GRIN3A: variants seen among roughly 807,000 people sequenced by gnomAD.
GRIN3A encodes the protein glutamate ionotropic receptor NMDA type subunit 3A.
GRIN3A carries 47 observed loss-of-function variants against 92.4 expected under a neutral mutation model. The observed-to-expected ratio is 0.51, with a 90% CI of 0.40 to 0.65. The LOEUF (loss-of-function observed/expected upper bound fraction) is 0.65, where lower values mean the gene tolerates loss of function less well. Ranked by LOEUF, GRIN3A falls within the 30% of genes least tolerant of loss-of-function variation. GRIN3A has a pLI of 0.00. For missense variants in GRIN3A, 1,324 were observed against 1,393.1 expected (o/e 0.95, Z 0.79); for synonymous variants, 527 against 540.6 (o/e 0.97, Z 0.35).
chr9:101,573,786 T>C (rs1185989065), intron 8 of GRIN3A, among the ~76,000 whole-genome samples: 1 of 151,268 alleles, frequency 6.6e-6, no homozygotes, highest in Non-Finnish European at 1.5e-5. Flanking sequence ...TTTTTTTTTT[T>C]TTTTTTTTTT....
At chr9:101,584,989 C>T (rs968665029) in intron 6 of GRIN3A, among the ~76,000 whole-genome samples, 2 of 152,222 alleles carry the variant, frequency 1.3e-5, no homozygotes, top group Admixed American at 6.5e-5. Context: ...CCTCCCAGCA[C>T]ATAGCAACCA....
chr9:101,650,838 T>C (rs2118915497), intron 3 of GRIN3A, among the ~76,000 whole-genome samples: 1 of 152,066 alleles, frequency 6.6e-6, no homozygotes, highest in East Asian at 2.0e-4. Context: ...CATTTTGTTT[T>C]CTCAAAGGTT....
chr9:101,612,436 T>A (rs1828379766), intron 6 of GRIN3A, among the ~76,000 whole-genome samples: 1 of 152,148 alleles, frequency 6.6e-6, no homozygotes. Flanking sequence ...TTTGACAACT[T>A]AAATTTCAGA....
At chr9:101,613,266 G>C in intron 6 of GRIN3A, 110 bp downstream of exon 6, 1 of 1,136,678 alleles carries the variant, frequency 8.8e-7, no homozygotes, top group South Asian at 1.3e-5. Context: ...TTATGCAAGA[G>C]TCTAGTAAAT....
chr9:101,578,745 C>T (rs1827856230), intron 7 of GRIN3A, among the ~76,000 whole-genome samples: 1 of 152,142 alleles, frequency 6.6e-6, no homozygotes, highest in Non-Finnish European at 1.5e-5. Flanking sequence ...TGAAGCTTGG[C>T]CTTGGCCCCA....
At chr9:101,629,487 G>GATAA (rs1019196004) in intron 3 of GRIN3A, among the ~76,000 whole-genome samples, 3 of 152,156 alleles carry the variant, frequency 2.0e-5, no homozygotes, top group Non-Finnish European at 4.4e-5. Flanking sequence ...GGGTGACAAA[G>GATAA]ATAAATACCT....
At chr9:101,640,578 T>C (rs773449529) in intron 3 of GRIN3A, among the ~76,000 whole-genome samples, 1 of 152,178 alleles carries the variant, frequency 6.6e-6, no homozygotes, top group Non-Finnish European at 1.5e-5. Context: ...GTAATCCTTA[T>C]AGCAAAGAGA....
chr9:101,627,403 T>C (rs1828648409), intron 4 of GRIN3A, among the ~76,000 whole-genome samples: 1 of 152,234 alleles, frequency 6.6e-6, no homozygotes, highest in African/African-American at 2.4e-5. Context: ...TTATTTCTAT[T>C]CTTTCTTAAA....
chr9:101,614,609 CTTTTTTTTTTTTTTT>C (rs754003481), intron 5 of GRIN3A, among the ~76,000 whole-genome samples: 1 of 83,050 alleles, frequency 1.2e-5, no homozygotes, highest in Non-Finnish European at 2.3e-5. Flanking sequence ...ATATGTGATA[CTTTTTTTTTTTTTTT>C]TTTTTTTTTT....
chr9:101,587,218 G>A (rs1294167285), intron 6 of GRIN3A, among the ~76,000 whole-genome samples: 3 of 151,436 alleles, frequency 2.0e-5, no homozygotes, highest in Admixed American at 6.6e-5. Context: ...GCTGAGGCAG[G>A]AGAATTGCTT....
chr9:101,669,988 A>G lies in GRIN3A; in HGVS notation c.2352+72T>C, dbSNP rs1829295168. On this transcript the variant is annotated intron_variant, in intron 3 of 8. Coordinates refer to ENST00000361820, the MANE Select transcript of GRIN3A (RefSeq NM_133445.3). ...GTGTTAGATGGAAGAACATGAGCAT[A>G]CTACAGCAGAAGATACAACATACGG... 5 of 1,137,224 alleles carry G rather than the reference A, an allele frequency of 4.4e-6. No homozygotes were observed. The South Asian group carries it at 6.2e-5, about 14-fold the overall frequency. The allele number at this position is 1,137,224 out of a possible 1,614,324, so 70.4% of individuals were successfully genotyped here. A position where few individuals can be genotyped will look rare whatever the true frequency, so the allele number is the denominator to read the frequency against.
At chr9:101,619,181 C>T (rs1293441781) in intron 5 of GRIN3A, among the ~76,000 whole-genome samples, 1 of 152,152 alleles carries the variant, frequency 6.6e-6, no homozygotes, top group East Asian at 1.9e-4. Flanking sequence ...TTGAAAATAG[C>T]ATCTCAGATA....
chr9:101,628,177 C>A, intron 4 of GRIN3A, 79 bp downstream of exon 4: 6 of 1,434,514 alleles, frequency 4.2e-6, no homozygotes, highest in Non-Finnish European at 5.9e-6. Context: ...TTTTCAGAAA[C>A]TAACATATAC....
At chr9:101,691,599 C>T (rs981171960) in intron 1 of GRIN3A, among the ~76,000 whole-genome samples, 3 of 152,096 alleles carry the variant, frequency 2.0e-5, no homozygotes, top group African/African-American at 7.2e-5. Flanking sequence ...TTTGACCATC[C>T]ATTCTTCTTT....
At chr9:101,679,538 G>C (rs1829442256) in intron 2 of GRIN3A, among the ~76,000 whole-genome samples, 1 of 152,192 alleles carries the variant, frequency 6.6e-6, no homozygotes, top group African/African-American at 2.4e-5. Context: ...ACCTGGAGTA[G>C]AGGTAATTTC....
chr9:101,614,901 G>A (rs1379857593), intron 5 of GRIN3A, among the ~76,000 whole-genome samples: 1 of 151,828 alleles, frequency 6.6e-6, no homozygotes, highest in Non-Finnish European at 1.5e-5. Context: ...TTACAGGTAT[G>A]AGCCACGTGC....
chr9:101,683,158 T>C (rs957361484), intron 2 of GRIN3A, among the ~76,000 whole-genome samples: 5 of 152,226 alleles, frequency 3.3e-5, no homozygotes, highest in Non-Finnish European at 5.9e-5. Context: ...TATGTGTGTG[T>C]AGTCTGCCAT....
At chr9:101,598,701 C>G (rs1481334384) in intron 6 of GRIN3A, among the ~76,000 whole-genome samples, 1 of 152,064 alleles carries the variant, frequency 6.6e-6, no homozygotes, top group Non-Finnish European at 1.5e-5. Context: ...TTAAAGGATA[C>G]CAGCCTGCCC....
intron 1 of GRIN3A, among the ~76,000 whole-genome samples, chr9:101,723,871 C>T (rs939245961): frequency 7.4e-5 from 11 of 149,506 alleles, no homozygotes; most frequent in Admixed American, 6.7e-5. Flanking sequence ...TATTTACAAT[C>T]CCTGGACTAG....
Sources: allele counts gnomAD v4.1 joint callset (sites outside exome capture counted in the v4.1 genomes callset), GRCh38; gene constraint gnomAD v4.1.1; transcripts MANE v1.5; gene names NCBI Gene and HGNC (gene_info 2026-07-23, HGNC 2026-07-21).